The following FRMD4B variants were observed in gnomAD, a reference collection of about 807,000 sequenced individuals.
The protein encoded by FRMD4B is FERM domain containing 4B, also known as FERM domain-containing protein 4B.
In FRMD4B, 74 loss-of-function variants were observed where a neutral mutation model predicts 141.5. The ratio of observed to expected loss-of-function variants is 0.52; its 90% CI spans 0.43 to 0.63. The LOEUF is 0.63. Ranked by LOEUF, FRMD4B falls within the 30% of genes least tolerant of loss-of-function variation. The probability of loss-of-function intolerance (pLI) is 0.00; values close to 1 mark genes in which losing one functional copy is unlikely to be tolerated. For missense variants in FRMD4B, 1,366 were observed against 1,253.4 expected, an observed-to-expected ratio of 1.09 and a Z score of -1.36; for synonymous variants, 506 against 467.9, an observed-to-expected ratio of 1.08 and a Z score of -1.05.
At chr3:69,398,402 G>A (rs1196462536) in intron 2 of FRMD4B, among the ~76,000 whole-genome samples, 1 of 152,024 alleles carries the variant, frequency 6.6e-6, no homozygotes, top group Non-Finnish European at 1.5e-5. Context: ...CTTTGTGCTG[G>A]GAATATTCAA....
intron 1 of FRMD4B, among the ~76,000 whole-genome samples, chr3:69,478,298 G>T (rs1463077939): frequency 6.6e-6 from 1 of 152,110 alleles, no homozygotes; most frequent in African/African-American, 2.4e-5. Flanking sequence ...TGTGATGTTA[G>T]AGTGTCAATT....
chr3:69,261,225 G>A (rs1161237217), intron 5 of FRMD4B, among the ~76,000 whole-genome samples: 1 of 152,188 alleles, frequency 6.6e-6, no homozygotes, highest in Non-Finnish European at 1.5e-5. Context: ...AAGCCAGTGA[G>A]ATCATGAATC....
chr3:69,531,397 A>C (rs1440737297), intron 1 of FRMD4B, among the ~76,000 whole-genome samples: 10 of 89,426 alleles, frequency 1.1e-4, no homozygotes, highest in South Asian at 7.6e-4. Context: ...TGTACCAAGC[A>C]AAAAAAAAGG....
intron 19 of FRMD4B, 103 bp downstream of exon 19, chr3:69,187,667 G>A: frequency 9.2e-7 from 1 of 1,087,622 alleles, no homozygotes. Flanking sequence ...CTTTTGGAAG[G>A]ATAAATAAAA....
At chr3:69,305,741 G>A (rs961748884) in intron 3 of FRMD4B, among the ~76,000 whole-genome samples, 3 of 152,188 alleles carry the variant, frequency 2.0e-5, no homozygotes, top group Non-Finnish European at 4.4e-5. Context: ...GAAACAGAGA[G>A]AGACCCTGTC....
rs1442748733 is a variant in FRMD4B, at chr3:69,169,702, T to A, written c.*2159A>T. On this transcript the variant is annotated 3_prime_UTR_variant, in exon 23 of 23. Coordinates refer to ENST00000398540, the MANE Select transcript of FRMD4B (RefSeq NM_015123.3). Reference sequence around the variant, plus strand: ...CTTCTTTTCCTCTGTGGGAGCCAAGTTATATTTGCCCTTTCAAGGCATGCT... The same window carrying A: ...CTTCTTTTCCTCTGTGGGAGCCAAGATATATTTGCCCTTTCAAGGCATGCT... Among the ~76,000 whole-genome samples the A allele has an allele frequency of 6.6e-6, 1 of 152,140 alleles. No homozygotes were observed. The highest frequency in any genetic ancestry group is 1.5e-5 in the Non-Finnish European group (1 of 68,024).
chr3:69,284,072 C>T (rs2093656490), intron 5 of FRMD4B, among the ~76,000 whole-genome samples: 1 of 152,118 alleles, frequency 6.6e-6, no homozygotes, highest in Admixed American at 6.5e-5. Flanking sequence ...AAGGCGAGCC[C>T]TATGACTGCC....
At chr3:69,422,720 C>T (rs578012332) in intron 2 of FRMD4B, among the ~76,000 whole-genome samples, 29 of 152,108 alleles carry the variant, frequency 1.9e-4, no homozygotes, top group Non-Finnish European at 2.4e-4. Context: ...TATCTGTGGA[C>T]GCCAAAATTT....
At chr3:69,291,026 G>A (rs1013748612) in intron 4 of FRMD4B, among the ~76,000 whole-genome samples, 6 of 152,286 alleles carry the variant, frequency 3.9e-5, no homozygotes, top group South Asian at 2.1e-4. Context: ...ATAGAAGTAC[G>A]TGTGTTCTCT....
chr3:69,283,464 G>T (rs1273151745), intron 5 of FRMD4B, among the ~76,000 whole-genome samples: 2 of 149,328 alleles, frequency 1.3e-5, no homozygotes, highest in Non-Finnish European at 3.0e-5. Context: ...GGTGCTCCTA[G>T]CAACTGACAT....
chr3:69,503,908 G>A (rs1013865748), intron 1 of FRMD4B, among the ~76,000 whole-genome samples: 9 of 152,074 alleles, frequency 5.9e-5, no homozygotes, highest in African/African-American at 1.9e-4. Context: ...GGTTGTTGGA[G>A]GACTAAATGC....
At chr3:69,257,871 G>C (rs2093502607) in intron 5 of FRMD4B, among the ~76,000 whole-genome samples, 1 of 152,148 alleles carries the variant, frequency 6.6e-6, no homozygotes, top group African/African-American at 2.4e-5. Flanking sequence ...CTGTCACCCA[G>C]GCTGGAGTGC....
chr3:69,205,514 C>G (rs1284782244), intron 11 of FRMD4B, among the ~76,000 whole-genome samples: 1 of 151,958 alleles, frequency 6.6e-6, no homozygotes, highest in Non-Finnish European at 1.5e-5. Flanking sequence ...CAGCCTGAGT[C>G]CCTTTAATTT....
At position 69,221,865 on chromosome 3, in the gene FRMD4B, C is replaced by G. The variant is rs760155872; in HGVS notation, c.724G>C (p.Val242Leu). 2.6e-6 allele frequency: 4 copies of G among 1,527,990 alleles called. No individual in the cohort carries two copies. The South Asian group carries it at 4.6e-5, about 18-fold the overall frequency. The allele number at this position is 1,527,990 out of a possible 1,614,324, so 94.7% of individuals were successfully genotyped here. The change falls in exon 9 of 23, where the codon GTG (valine) becomes CTG (leucine). Residue 242 changes from valine (V) to leucine (L), a missense_variant. By Grantham distance (32) the Val-to-Leu change is conservative (BLOSUM62 1). Transcript: ENST00000398540. ...AAAAGGAAAGATACTTACTGAACCA[C>G]AGCTTGACCTCGAGTGAGACCTTTG... is the stretch of plus-strand genomic sequence containing the variant. Reference protein sequence around the residue: ...KIKGLTRGQAVVQYMKIVEAL... With the variant: ...KIKGLTRGQALVQYMKIVEAL...
chr3:69,299,342 C>T (rs1701135617), intron 4 of FRMD4B, among the ~76,000 whole-genome samples: 1 of 152,182 alleles, frequency 6.6e-6, no homozygotes, highest in Admixed American at 6.5e-5. Context: ...CACTCATTCC[C>T]TATCTTTTTC....
chr3:69,253,267 T>C (rs746049258), intron 5 of FRMD4B, among the ~76,000 whole-genome samples: 44 of 144,472 alleles, frequency 3.0e-4, no homozygotes, highest in Non-Finnish European at 5.5e-4. Flanking sequence ...CCCTTGAACA[T>C]GGCAACTCTG....
At chr3:69,498,927 T>C (rs1319662967) in intron 1 of FRMD4B, among the ~76,000 whole-genome samples, 1 of 152,204 alleles carries the variant, frequency 6.6e-6, no homozygotes, top group Non-Finnish European at 1.5e-5. Flanking sequence ...TTATGTTCTA[T>C]TTGGGAAGAT....
At chr3:69,440,106 G>T (rs1184099214) in intron 1 of FRMD4B, among the ~76,000 whole-genome samples, 2 of 152,250 alleles carry the variant, frequency 1.3e-5, no homozygotes, top group African/African-American at 4.8e-5. Flanking sequence ...CCAAACTTGA[G>T]TGTGACTTTT....
chr3:69,291,639 A>G (rs1379650455), intron 4 of FRMD4B, among the ~76,000 whole-genome samples: 1 of 152,116 alleles, frequency 6.6e-6, no homozygotes, highest in Non-Finnish European at 1.5e-5. Context: ...CACCCTGGAG[A>G]ATAAACTTGA....
Sources: allele counts gnomAD v4.1 joint callset (sites outside exome capture counted in the v4.1 genomes callset), GRCh38; gene constraint gnomAD v4.1.1; transcripts MANE v1.5; gene names NCBI Gene and HGNC (gene_info 2026-07-23, HGNC 2026-07-21).